Variants in UBE2E2 observed in about 807,000 individuals in gnomAD.
UBE2E2 encodes ubiquitin-conjugating enzyme E2 E2.
Under a neutral mutation model 24.7 loss-of-function variants are expected in UBE2E2, and 6 were observed. The ratio of observed to expected loss-of-function variants is 0.24; its 90% CI spans 0.13 to 0.48. The LOEUF (loss-of-function observed/expected upper bound fraction) is 0.48, where lower values mean the gene tolerates loss of function less well. Ranked by LOEUF, UBE2E2 falls within the 20% of genes least tolerant of loss-of-function variation. UBE2E2 has a pLI of 0.99. For synonymous variants in UBE2E2, 104 were observed against 83.6 expected, an observed-to-expected ratio of 1.24 and a Z score of -1.33; for missense variants, 169 against 245.0, an observed-to-expected ratio of 0.69 and a Z score of 2.07.
intron 5 of UBE2E2, among the ~76,000 whole-genome samples, chr3:23,554,792 G>A (rs971913715): frequency 6.6e-6 from 1 of 152,028 alleles, no homozygotes; most frequent in Admixed American, 6.6e-5. Flanking sequence ...GACAACTACA[G>A]ACTGGGAAAA....
chr3:23,376,217 C>T (rs1363928770), intron 3 of UBE2E2, among the ~76,000 whole-genome samples: 2 of 152,128 alleles, frequency 1.3e-5, no homozygotes, highest in African/African-American at 4.8e-5. Context: ...GGATACTTAC[C>T]TGTTAAAATA....
chr3:23,443,147 T>C (rs902433280), intron 3 of UBE2E2, among the ~76,000 whole-genome samples: 3 of 152,140 alleles, frequency 2.0e-5, no homozygotes, highest in African/African-American at 7.2e-5. Flanking sequence ...TTTCTCTTCC[T>C]ACTCTGTCTT....
Position 23,407,646 on chromosome 3 carries a change from C to CGTGTGTGT in UBE2E2, c.228-91962_228-91961insGTGTGTGT, listed in dbSNP as rs1697394654. On this transcript the variant is annotated intron_variant, in intron 3 of 5. Transcript: ENST00000396703. The surrounding 1 kb of genome is among the most constrained non-coding windows in gnomAD (Gnocchi z 4.0). ...GTGTGTGTTTGTGTGTGCATGCGTG[C>CGTGTGTGT]ATGTGTGTGTGTGTGTGTGTGTGTG... Among the ~76,000 whole-genome samples, 4 of 93,522 alleles carry CGTGTGTGT rather than the reference C, an allele frequency of 4.3e-5. No individual in the cohort carries two copies. The highest frequency in any genetic ancestry group is 3.4e-4 in the Admixed American group (3 of 8,778). 61.4% of individuals were successfully genotyped at this position (93,522 alleles called of 152,430 possible).
chr3:23,537,423 A>G (rs1388614862), intron 5 of UBE2E2, among the ~76,000 whole-genome samples: 1 of 152,234 alleles, frequency 6.6e-6, no homozygotes, highest in Non-Finnish European at 1.5e-5. Context: ...CTCCAGTCTT[A>G]GATGTGTGCA....
intron 3 of UBE2E2, among the ~76,000 whole-genome samples, chr3:23,285,966 G>A (rs1698606627): frequency 6.6e-6 from 1 of 152,218 alleles, no homozygotes; most frequent in Non-Finnish European, 1.5e-5. Context: ...CAAAGTGCTG[G>A]GATTACAGAA....
chr3:23,243,256 A>G (rs1449399999), intron 3 of UBE2E2, among the ~76,000 whole-genome samples: 3 of 152,200 alleles, frequency 2.0e-5, no homozygotes, highest in African/African-American at 7.2e-5. Context: ...AGAGCCAGCA[A>G]TATGGACAAA....
chr3:23,406,379 T>C (rs933234881), intron 3 of UBE2E2, among the ~76,000 whole-genome samples: 7 of 152,244 alleles, frequency 4.6e-5, no homozygotes, highest in South Asian at 2.1e-4. Flanking sequence ...CGAACTGATA[T>C]GTTTAACTCT....
At chr3:23,375,738 A>G (rs1448949734) in intron 3 of UBE2E2, among the ~76,000 whole-genome samples, 3 of 152,204 alleles carry the variant, frequency 2.0e-5, no homozygotes, top group Non-Finnish European at 4.4e-5. Context: ...GCCCATAATT[A>G]GGACACCTTT....
intron 3 of UBE2E2, among the ~76,000 whole-genome samples, chr3:23,313,410 G>C (rs116252180): frequency 0.05 from 6,427 of 127,346 alleles, 230 homozygotes; most frequent in Non-Finnish European, 0.073. Flanking sequence ...TTTTTTGAGG[G>C]CATCTCGCTC....
At chr3:23,282,275 T>G (rs751098269) in intron 3 of UBE2E2, among the ~76,000 whole-genome samples, 3 of 152,208 alleles carry the variant, frequency 2.0e-5, no homozygotes, top group Non-Finnish European at 4.4e-5. Context: ...CCTTCTGTAT[T>G]CCCTGTATAG....
In UBE2E2 at chr3:23,457,535, G is replaced by GT. The variant is rs201081537; in HGVS notation, c.228-42067dup. 2.2e-4 allele frequency among the ~76,000 whole-genome samples: 33 copies of GT among 151,712 alleles called. No homozygotes were observed. In the East Asian group the frequency reaches 5.8e-3, roughly 27 times the overall value. ...GCTGCTTCATCTTGCACTTTTTTTT[G>GT]TTTTTTGGAGGTAGGGTCTTGCTCT... On this transcript the variant is annotated intron_variant, in intron 3 of 5. Coordinates refer to ENST00000396703, the MANE Select transcript of UBE2E2 (RefSeq NM_152653.4).
chr3:23,245,549 T>C (rs1697373162), intron 3 of UBE2E2, among the ~76,000 whole-genome samples: 1 of 152,208 alleles, frequency 6.6e-6, no homozygotes, highest in Non-Finnish European at 1.5e-5. Context: ...TATCTTTATT[T>C]AAATACTACA....
intron 3 of UBE2E2, among the ~76,000 whole-genome samples, chr3:23,286,273 A>C (rs9823684): frequency 0.84 from 127,980 of 152,158 alleles, 53,936 homozygotes; most frequent in African/African-American, 0.9. Flanking sequence ...GGAGAGTTTC[A>C]CCAATGTTTT....
At chr3:23,489,993 G>A (rs565880756) in intron 3 of UBE2E2, among the ~76,000 whole-genome samples, 35 of 151,864 alleles carry the variant, frequency 2.3e-4, no homozygotes, top group Non-Finnish European at 3.8e-4. Flanking sequence ...GGAAGGTATA[G>A]TGGAAAAGGG....
At chr3:23,504,120 G>A (rs144707390) in intron 4 of UBE2E2, among the ~76,000 whole-genome samples, 94 of 152,016 alleles carry the variant, frequency 6.2e-4, no homozygotes, top group African/African-American at 2.1e-3. Context: ...ATATGTACAC[G>A]TACATGCCTG....
intron 3 of UBE2E2, among the ~76,000 whole-genome samples, chr3:23,302,444 A>G (rs1009745611): frequency 6.6e-6 from 1 of 152,292 alleles, no homozygotes; most frequent in East Asian, 1.9e-4. Context: ...TCCTTTGGCA[A>G]AAACACCGCA....
At chr3:23,413,255 G>A (rs1001997321) in intron 3 of UBE2E2, among the ~76,000 whole-genome samples, 13 of 151,884 alleles carry the variant, frequency 8.6e-5, no homozygotes, top group African/African-American at 2.4e-4. Flanking sequence ...TTAGCACATC[G>A]TATGGTTAAC....
intron 3 of UBE2E2, among the ~76,000 whole-genome samples, chr3:23,281,484 T>G (rs956657639): frequency 2.0e-5 from 3 of 152,074 alleles, no homozygotes; most frequent in Non-Finnish European, 1.5e-5. Context: ...TAAAATAAAA[T>G]AAATTAGTTG....
chr3:23,290,919 G>T (rs2201481), intron 3 of UBE2E2, among the ~76,000 whole-genome samples: 1 of 145,914 alleles, frequency 6.9e-6, no homozygotes, highest in Non-Finnish European at 1.5e-5. Context: ...AAAATTAGCC[G>T]GGCATGGTGG....
Sources: allele counts gnomAD v4.1 joint callset (sites outside exome capture counted in the v4.1 genomes callset), GRCh38; gene constraint gnomAD v4.1.1; non-coding constraint Gnocchi (gnomAD v3.1); transcripts MANE v1.5; gene names NCBI Gene and HGNC (gene_info 2026-07-23, HGNC 2026-07-21).